FTO: variants seen among roughly 807,000 people sequenced by gnomAD.
The protein encoded by FTO is alpha-ketoglutarate-dependent dioxygenase FTO.
FTO carries 47 observed loss-of-function variants against 63.9 expected under a neutral mutation model. The observed-to-expected ratio is 0.74, with a 90% confidence interval of 0.58 to 0.94. The LOEUF (loss-of-function observed/expected upper bound fraction) is 0.94, where lower values mean the gene tolerates loss of function less well. FTO is among the 40% of genes least tolerant of loss of function. The probability of loss-of-function intolerance (pLI) is 0.00; values close to 1 mark genes in which losing one functional copy is unlikely to be tolerated. For missense variants in FTO, 562 were observed against 618.1 expected, an observed-to-expected ratio of 0.91 and a Z score of 0.96; for synonymous variants, 207 against 224.4, an observed-to-expected ratio of 0.92 and a Z score of 0.69.
intron 2 of FTO, among the ~76,000 whole-genome samples, chr16:53,815,207 G>A (rs555323022): frequency 1.3e-5 from 2 of 152,250 alleles, no homozygotes; most frequent in East Asian, 1.9e-4. Flanking sequence ...GGAGCAAAGC[G>A]TGACAGGATG....
chr16:53,737,868 C>T (rs533261670), intron 1 of FTO, among the ~76,000 whole-genome samples: 9 of 152,174 alleles, frequency 5.9e-5, no homozygotes, highest in East Asian at 1.9e-4. Context: ...GGAATCATAC[C>T]GTGTGTGGTC....
At chr16:53,954,599 A>T (rs7201444) in intron 8 of FTO, among the ~76,000 whole-genome samples, 1 of 152,074 alleles carries the variant, frequency 6.6e-6, no homozygotes, top group African/African-American at 2.4e-5. Context: ...GGATGCATTC[A>T]GGAAGGGTGC....
At chr16:53,973,822 A>G (rs1329263289) in intron 8 of FTO, among the ~76,000 whole-genome samples, 2 of 152,190 alleles carry the variant, frequency 1.3e-5, no homozygotes, top group African/African-American at 4.8e-5. Context: ...ACATTTTTCA[A>G]AACTTGTAGA....
At position 53,729,035 on chromosome 16, in the gene FTO, A is replaced by G. The variant is rs1460568733; in HGVS notation, c.45+24806A>G. Among the ~76,000 whole-genome samples the G allele has an allele frequency of 2.0e-5, 3 of 150,944 alleles. No homozygotes were observed. The East Asian group carries it at 6.0e-4, about 30-fold the overall frequency. Reference sequence around the variant, plus strand: ...CACCTTGGCCTCCCAAAGTGCTAGGATTACAGGTGTGAGCCACTGTGCCTG... The same window carrying G: ...CACCTTGGCCTCCCAAAGTGCTAGGGTTACAGGTGTGAGCCACTGTGCCTG... On this transcript the variant is annotated intron_variant, in intron 1 of 8. Transcript: ENST00000471389.
intron 1 of FTO, among the ~76,000 whole-genome samples, chr16:53,741,683 C>G (rs1005455658): frequency 2.0e-5 from 3 of 152,178 alleles, no homozygotes; most frequent in Non-Finnish European, 2.9e-5. Flanking sequence ...TCTCAGCATG[C>G]AATTTCATAG....
Position 53,801,537 on chromosome 16 carries a change from G to C in FTO, c.46-8603G>C, listed in dbSNP as rs950741577. Among the ~76,000 whole-genome samples, 9 of 152,006 alleles carry C rather than the reference G, an allele frequency of 5.9e-5. No individual in the cohort carries two copies. The South Asian group carries it at 1.4e-3, about 24-fold the overall frequency. On this transcript the variant is annotated intron_variant, in intron 1 of 8. Transcript: ENST00000471389. ...TTTCTGATACTCTTCATTCTCTTAAGTATTCAGATTTTTATCTATTGTCCT... is the reference window on the plus strand; with the variant it reads ...TTTCTGATACTCTTCATTCTCTTAACTATTCAGATTTTTATCTATTGTCCT...
chr16:53,777,179 AT>A, intron 1 of FTO, among the ~76,000 whole-genome samples: 1 of 152,182 alleles, frequency 6.6e-6, no homozygotes, highest in South Asian at 2.1e-4. Flanking sequence ...GTCAAACTGA[AT>A]TTTTTACCCT....
chr16:53,840,085 G>A (rs1345380144), intron 3 of FTO, among the ~76,000 whole-genome samples: 1 of 152,076 alleles, frequency 6.6e-6, no homozygotes, highest in Non-Finnish European at 1.5e-5. Context: ...TTACAGGTGT[G>A]AGCCACCACA....
chr16:53,784,013 C>A (rs2077665484), intron 1 of FTO, among the ~76,000 whole-genome samples: 1 of 151,980 alleles, frequency 6.6e-6, no homozygotes, highest in Non-Finnish European at 1.5e-5. Context: ...TGAGATGGGC[C>A]CTTGGAAACT....
chr16:53,763,205 G>A (rs1159592641), intron 1 of FTO, among the ~76,000 whole-genome samples: 1 of 152,100 alleles, frequency 6.6e-6, no homozygotes, highest in Admixed American at 6.5e-5. Flanking sequence ...AAACAAATGT[G>A]CCAACCAATT....
intron 1 of FTO, among the ~76,000 whole-genome samples, chr16:53,789,767 T>TAC (rs1555634083): frequency 4.4e-4 from 65 of 147,776 alleles, no homozygotes; most frequent in East Asian, 2.4e-3. Flanking sequence ...TATATATATA[T>TAC]ACACACACAC....
intron 8 of FTO, among the ~76,000 whole-genome samples, chr16:54,005,068 TAAAA>T (rs777739385): frequency 5.1e-5 from 5 of 97,776 alleles, no homozygotes; most frequent in East Asian, 2.8e-4. Context: ...AGGCTCCGTC[TAAAA>T]AAAAAAAAAA....
intron 8 of FTO, among the ~76,000 whole-genome samples, chr16:54,009,120 G>A (rs1476349293): frequency 6.6e-6 from 1 of 152,162 alleles, no homozygotes; most frequent in African/African-American, 2.4e-5. Context: ...TCCTGAACTC[G>A]GCATAGCACC....
chr16:53,913,229 G>C (rs746787283), intron 7 of FTO, among the ~76,000 whole-genome samples: 1 of 152,226 alleles, frequency 6.6e-6, no homozygotes, highest in Non-Finnish European at 1.5e-5. Context: ...TTGTCAGAAT[G>C]ACGGTGATTA....
At chr16:53,971,691 C>A (rs1420294699) in intron 8 of FTO, among the ~76,000 whole-genome samples, 2 of 152,224 alleles carry the variant, frequency 1.3e-5, no homozygotes, top group Non-Finnish European at 2.9e-5. Context: ...CCCCCTGTCT[C>A]AGCAGTGCTG....
At chr16:53,788,769 A>G (rs1324372848) in intron 1 of FTO, among the ~76,000 whole-genome samples, 1 of 151,816 alleles carries the variant, frequency 6.6e-6, no homozygotes, top group East Asian at 1.9e-4. Context: ...GGGTAGGGAG[A>G]CCTTGGGTGT....
At chr16:54,077,215 C>T (rs1444041085) in intron 8 of FTO, among the ~76,000 whole-genome samples, 2 of 152,118 alleles carry the variant, frequency 1.3e-5, no homozygotes, top group Non-Finnish European at 2.9e-5. Context: ...AAAGCCCTCA[C>T]GTGGCCATGT....
intron 6 of FTO, among the ~76,000 whole-genome samples, chr16:53,881,268 A>G (rs2080826319): frequency 6.6e-6 from 1 of 152,160 alleles, no homozygotes; most frequent in Non-Finnish European, 1.5e-5. Flanking sequence ...CATATTGAGG[A>G]GTTACATTAT....
rs865795574 is a variant in FTO at position 54,067,934 on chromosome 16, C to T, written c.1365-43828C>T. Among the ~76,000 whole-genome samples, 30 of 152,026 alleles carry T rather than the reference C, an allele frequency of 2.0e-4. 1 individual carries two copies. In the South Asian group the frequency reaches 4.2e-3, roughly 21 times the overall value. On this transcript the variant is annotated intron_variant, in intron 8 of 8. Transcript: ENST00000471389. The stretch of plus-strand genomic sequence containing the variant: ...AGAGCAGCAAATGCAGTCTTACTGA[C>T]GGGCTGTCACTCAGTTTTACACATT...
Sources: gnomAD v4.1 joint callset for allele counts (sites outside exome capture counted in the v4.1 genomes callset) on GRCh38, gnomAD v4.1.1 for gene constraint, MANE v1.5 for transcripts, NCBI Gene and HGNC (gene_info 2026-07-23, HGNC 2026-07-21) for gene names.